The following CCDC172 variants were observed in gnomAD, a reference collection of about 807,000 sequenced individuals.
The protein encoded by CCDC172 is coiled-coil domain-containing protein 172.
Under a neutral mutation model 38.0 loss-of-function variants are expected in CCDC172, and 30 were observed. That is an observed-to-expected ratio of 0.79 (90% CI 0.59 to 1.07). The LOEUF is 1.07. Among genes scored for constraint, CCDC172 ranks in the 50% least tolerant of loss-of-function variants. CCDC172 has a pLI of 0.00. For synonymous variants in CCDC172, 78 were observed against 88.3 expected (o/e 0.88, Z 0.66); for missense variants, 297 against 290.1 (o/e 1.02, Z -0.17).
intron 7 of CCDC172, among the ~76,000 whole-genome samples, chr10:116,365,876 T>A (rs988512633): frequency 2.0e-5 from 3 of 152,174 alleles, no homozygotes; most frequent in Non-Finnish European, 2.9e-5. Context: ...TACAGTAACA[T>A]GTGGTACAGG....
chr10:116,365,069 A>G (rs540982794), intron 7 of CCDC172, among the ~76,000 whole-genome samples: 9 of 152,276 alleles, frequency 5.9e-5, no homozygotes, highest in South Asian at 2.1e-4. Context: ...GAGTGAGGGA[A>G]GTCCTTGACT....
chr10:116,325,443 A>C (rs2134895926), intron 3 of CCDC172, 55 bp downstream of exon 3: 1 of 1,360,100 alleles, frequency 7.4e-7, no homozygotes, highest in Non-Finnish European at 1.0e-6. Context: ...CCTTAACTTG[A>C]CTTTTGGGGG....
chr10:116,329,979 G>A (rs997839700), intron 3 of CCDC172, among the ~76,000 whole-genome samples: 2 of 152,152 alleles, frequency 1.3e-5, no homozygotes, highest in South Asian at 2.1e-4. Flanking sequence ...GAAGTGCCAC[G>A]ATTGTCTCAA....
At chr10:116,330,114 AT>A (rs1844641720) in intron 3 of CCDC172, among the ~76,000 whole-genome samples, 1 of 152,168 alleles carries the variant, frequency 6.6e-6, no homozygotes, top group Non-Finnish European at 1.5e-5. Flanking sequence ...GTTTGGCAAA[AT>A]TTTCTGAAAA....
rs145954478 is a variant in CCDC172 at position 116,340,826 on chromosome 10, T to C, written c.258T>C (p.His86=). ...AACAGTACAGTGAAATTACAAACCATAGGAATATGCTTCTTCAAACCTTTG... is the reference window on the plus strand; with the variant it reads ...AACAGTACAGTGAAATTACAAACCACAGGAATATGCTTCTTCAAACCTTTG... ...LEKQYSEITN[H]RNMLLQTFEA... is the part of the protein sequence containing the mutation. The change falls in exon 4 of 9, where the codon CAT becomes CAC. Residue 86 remains histidine, a synonymous_variant. Transcript: ENST00000333254. 25 of 1,577,284 alleles carry C rather than the reference T, an allele frequency of 1.6e-5. No individual in the cohort carries two copies. The highest frequency in any genetic ancestry group is 4.5e-5 in the East Asian group (2 of 44,462).
chr10:116,339,296 C>T (rs144868497), intron 3 of CCDC172, among the ~76,000 whole-genome samples: 1 of 151,964 alleles, frequency 6.6e-6, no homozygotes. Context: ...GTTATATAGC[C>T]TTTGTTAAGG....
At chr10:116,372,800 A>G (rs1355712295) in intron 7 of CCDC172, among the ~76,000 whole-genome samples, 1 of 152,204 alleles carries the variant, frequency 6.6e-6, no homozygotes, top group Non-Finnish European at 1.5e-5. Flanking sequence ...ACACAAAGAC[A>G]TTATATACAA....
At chr10:116,353,966 C>G (rs1418873769) in intron 5 of CCDC172, among the ~76,000 whole-genome samples, 4 of 152,134 alleles carry the variant, frequency 2.6e-5, no homozygotes, top group Non-Finnish European at 5.9e-5. Flanking sequence ...CCTAGAGTTA[C>G]CATATGATTC....
At chr10:116,376,824 A>T (rs1845250897) in intron 7 of CCDC172, among the ~76,000 whole-genome samples, 1 of 152,134 alleles carries the variant, frequency 6.6e-6, no homozygotes, top group African/African-American at 2.4e-5. Context: ...GCTTAAAAGT[A>T]AGGCATGAGA....
At chr10:116,377,855 C>G (rs992938847) in intron 7 of CCDC172, among the ~76,000 whole-genome samples, 3 of 152,042 alleles carry the variant, frequency 2.0e-5, no homozygotes, top group Admixed American at 6.6e-5. Flanking sequence ...TTTTATCCAC[C>G]AGCTCATGTT....
At position 116,337,402 on chromosome 10, in the gene CCDC172, G is replaced by A. The variant is rs1208904033; in HGVS notation, c.166-3332G>A. Among the ~76,000 whole-genome samples, 5 of 151,952 alleles carry A rather than the reference G, an allele frequency of 3.3e-5. No homozygotes were observed. The East Asian group carries it at 7.7e-4, about 24-fold the overall frequency. ...CCTGACCAGGTGATCCACCCGTCTCGGCCTCCCAAAGTGCTGGGATTACAG... is the reference window on the plus strand; with the variant it reads ...CCTGACCAGGTGATCCACCCGTCTCAGCCTCCCAAAGTGCTGGGATTACAG... On this transcript the variant is annotated intron_variant, in intron 3 of 8. Coordinates refer to ENST00000333254, the MANE Select transcript of CCDC172 (RefSeq NM_198515.3).
At chr10:116,340,021 A>G (rs1232572369) in intron 3 of CCDC172, among the ~76,000 whole-genome samples, 3 of 151,960 alleles carry the variant, frequency 2.0e-5, no homozygotes. Context: ...AAATTACAGT[A>G]TTTCCAGTCC....
At chr10:116,346,348 C>T (rs746278610) in intron 5 of CCDC172, among the ~76,000 whole-genome samples, 1 of 148,854 alleles carries the variant, frequency 6.7e-6, no homozygotes, top group African/African-American at 2.5e-5. Context: ...CATATCTATG[C>T]AACGGAATAC....
intron 5 of CCDC172, among the ~76,000 whole-genome samples, chr10:116,351,166 T>G (rs1037035431): frequency 6.6e-6 from 1 of 152,196 alleles, no homozygotes; most frequent in Non-Finnish European, 1.5e-5. Context: ...GATTTTCTTG[T>G]GATAGAATGT....
chr10:116,374,750 C>T (rs1939422241), intron 7 of CCDC172, among the ~76,000 whole-genome samples: 2 of 151,874 alleles, frequency 1.3e-5, no homozygotes, highest in South Asian at 4.1e-4. Flanking sequence ...ATTTTTAATT[C>T]AGCCATATGA....
intron 7 of CCDC172, among the ~76,000 whole-genome samples, chr10:116,369,774 C>A (rs1342265784): frequency 1.3e-5 from 2 of 151,976 alleles, no homozygotes; most frequent in African/African-American, 4.8e-5. Flanking sequence ...TTTGTTGGAT[C>A]TTGCCCCATT....
intron 7 of CCDC172, among the ~76,000 whole-genome samples, chr10:116,358,988 C>T (rs1162764737): frequency 6.6e-6 from 1 of 152,134 alleles, no homozygotes; most frequent in African/African-American, 2.4e-5. Flanking sequence ...TTTTCCTTCA[C>T]AAATGATGAC....
chr10:116,324,803 G>T, intron 1 of CCDC172, 144 bp from the exon 2 acceptor site: 1 of 574,508 alleles, frequency 1.7e-6, no homozygotes, highest in Non-Finnish European at 3.1e-6. Flanking sequence ...GGCAGCAGCG[G>T]CCAGCGTCCC....
At chr10:116,342,282 CTTT>C in intron 5 of CCDC172, 81 bp downstream of exon 5, 1 of 1,284,934 alleles carries the variant, frequency 7.8e-7, no homozygotes. Flanking sequence ...AAAAATTTAA[CTTT>C]TTCATGAGCA....
Sources: allele counts gnomAD v4.1 joint callset (sites outside exome capture counted in the v4.1 genomes callset), GRCh38; gene constraint gnomAD v4.1.1; transcripts MANE v1.5; gene names NCBI Gene and HGNC (gene_info 2026-07-23, HGNC 2026-07-21).